Variants in SEMA4D observed in about 807,000 individuals in gnomAD.
The protein encoded by SEMA4D is semaphorin 4D.
A neutral mutation model predicts 74.8 loss-of-function variants in SEMA4D; 22 were observed. That is an observed-to-expected ratio of 0.29 (90% CI 0.21 to 0.42). SEMA4D has a LOEUF of 0.42. Among genes scored for constraint, SEMA4D ranks in the 10% least tolerant of loss-of-function variants. The pLI is 1.00. For synonymous variants in SEMA4D, 445 were observed against 463.7 expected, an observed-to-expected ratio of 0.96 and a Z score of 0.52; for missense variants, 937 against 1,118.4, an observed-to-expected ratio of 0.84 and a Z score of 2.31.
intron 7 of SEMA4D, 151 bp from the exon 8 acceptor site, chr9:89,392,687 G>T: frequency 1.6e-6 from 1 of 618,454 alleles, no homozygotes. Flanking sequence ...TCAACTTTTG[G>T]GGTGTCCTGT....
At chr9:89,439,171 A>T (rs1159369454) in intron 2 of SEMA4D, among the ~76,000 whole-genome samples, 2 of 151,060 alleles carry the variant, frequency 1.3e-5, no homozygotes, top group African/African-American at 4.9e-5. Flanking sequence ...TATTAGAGAC[A>T]TGTTTCCACC....
At chr9:89,400,795 A>C (rs1043910614) in intron 4 of SEMA4D, among the ~76,000 whole-genome samples, 1 of 151,002 alleles carries the variant, frequency 6.6e-6, no homozygotes, top group Admixed American at 6.6e-5. Flanking sequence ...TTTTTCTTTT[A>C]AGTATAAGAG....
chr9:89,385,657 G>T, intron 13 of SEMA4D: 1 of 745,820 alleles, frequency 1.3e-6, no homozygotes, highest in Non-Finnish European at 1.6e-6. Context: ...ACAGGGGAGG[G>T]AAGAGGACAG....
At chr9:89,445,981 C>T (rs557539468) in intron 2 of SEMA4D, among the ~76,000 whole-genome samples, 4 of 152,098 alleles carry the variant, frequency 2.6e-5, no homozygotes, top group Admixed American at 6.5e-5. Flanking sequence ...ATGTCCCGGA[C>T]CCCCTCCCTT....
intron 6 of SEMA4D, among the ~76,000 whole-genome samples, chr9:89,394,995 G>A (rs1014158557): frequency 6.6e-6 from 1 of 152,212 alleles, no homozygotes; most frequent in African/African-American, 2.4e-5. Flanking sequence ...TATGTACACA[G>A]ACACACATGT....
In SEMA4D at chr9:89,399,308, C is replaced by CT; in HGVS notation, c.282dup (p.Ala95SerfsTer42). On this transcript the variant is annotated frameshift_variant, in exon 5 of 16. Transcript: ENST00000422704. LOFTEE classifies it high-confidence loss of function. The stretch of plus-strand genomic sequence containing the variant: ...GATTTCCCCTTTTCTGCACATTTTG[C>CT]TTTTTTGTCTTCTGAGACCTTCCAA... 6.2e-7 allele frequency: 1 copy of CT among 1,613,766 alleles called. No individual in the cohort carries two copies. Among genetic ancestry groups the CT allele is most frequent in the Non-Finnish European group, 8.5e-7 (1 of 1,179,656 alleles).
chr9:89,438,964 CTTTTTTTTTTTTTTTTTT>C (rs57394947), intron 2 of SEMA4D, among the ~76,000 whole-genome samples: 549 of 38,226 alleles, frequency 0.014, 7 homozygotes, highest in African/African-American at 0.058. Context: ...CGCACCGGGC[CTTTTTTTTTTTTTTTTTT>C]TTTTTTTTTT....
intron 6 of SEMA4D, among the ~76,000 whole-genome samples, chr9:89,396,244 G>A (rs984288473): frequency 5.3e-5 from 8 of 152,184 alleles, no homozygotes; most frequent in Non-Finnish European, 1.2e-4. Flanking sequence ...CACAGCCAGA[G>A]CACAGATGCA....
In SEMA4D at chr9:89,411,759, G is replaced by A. The variant is rs113060081; in HGVS notation, c.-243-6060C>T. On this transcript the variant is annotated intron_variant, in intron 2 of 15. Coordinates refer to ENST00000422704, the MANE Select transcript of SEMA4D (RefSeq NM_001371194.2). Reference sequence around the variant, plus strand: ...CCCCTGAAGGGAGGCTCCCAAGGACGGGAAGAGTGAGCTGACTCTGTGCAG... The same window carrying A: ...CCCCTGAAGGGAGGCTCCCAAGGACAGGAAGAGTGAGCTGACTCTGTGCAG... Among the ~76,000 whole-genome samples the A allele has an allele frequency of 2.4e-3, 365 of 152,334 alleles. 4 individuals carry two copies. The highest frequency in any genetic ancestry group is 3.0e-3 in the Non-Finnish European group (201 of 68,022).
intron 2 of SEMA4D, among the ~76,000 whole-genome samples, chr9:89,425,058 T>TA (rs1235479520): frequency 6.6e-6 from 1 of 152,190 alleles, no homozygotes. Context: ...ACCACCTATC[T>TA]AGACCCAGCC....
At chr9:89,456,372 A>G (rs1270202006) in intron 1 of SEMA4D, among the ~76,000 whole-genome samples, 1 of 152,252 alleles carries the variant, frequency 6.6e-6, no homozygotes, top group Non-Finnish European at 1.5e-5. Context: ...ATGAAGGTGT[A>G]GTCAAGAAGG....
chr9:89,367,190 T>C (rs1833805895), intron 16 of SEMA4D: 1 of 152,536 alleles, frequency 6.6e-6, no homozygotes, highest in African/African-American at 2.4e-5. Flanking sequence ...AAAGTGAGAG[T>C]TACCATCAGT....
intron 5 of SEMA4D, among the ~76,000 whole-genome samples, chr9:89,398,810 A>C (rs890339790): frequency 3.9e-5 from 6 of 152,200 alleles, no homozygotes; most frequent in African/African-American, 1.4e-4. Flanking sequence ...CTCCTGCAAG[A>C]GGTTGAGCAC....
intron 1 of SEMA4D, chr9:89,497,446 G>T (rs1261711016): frequency 6.6e-6 from 1 of 152,168 alleles, no homozygotes; most frequent in Non-Finnish European, 1.5e-5. Flanking sequence ...GAAGCCCGCG[G>T]GGGCCCGGCC....
At chr9:89,461,840 T>C (rs990446181) in intron 1 of SEMA4D, among the ~76,000 whole-genome samples, 4 of 151,662 alleles carry the variant, frequency 2.6e-5, no homozygotes, top group Non-Finnish European at 1.5e-5. Flanking sequence ...GTAGCTGGGA[T>C]TACAGGCGTG....
chr9:89,370,131 G>A (rs1588094857), intron 16 of SEMA4D, among the ~76,000 whole-genome samples: 1 of 150,160 alleles, frequency 6.7e-6, no homozygotes, highest in Non-Finnish European at 1.5e-5. Context: ...GGTGTGTGTT[G>A]GTATGTGTGC....
intron 2 of SEMA4D, among the ~76,000 whole-genome samples, chr9:89,409,126 A>G (rs1467748936): frequency 6.6e-6 from 1 of 152,234 alleles, no homozygotes; most frequent in Non-Finnish European, 1.5e-5. Flanking sequence ...GGCCATGAAA[A>G]GACACAGAGG....
At chr9:89,480,038 C>T (rs1299915715) in intron 1 of SEMA4D, 1 of 152,168 alleles carries the variant, frequency 6.6e-6, no homozygotes, top group Non-Finnish European at 1.5e-5. Flanking sequence ...TCCACGTCCC[C>T]ATCAGATTAG....
intron 1 of SEMA4D, among the ~76,000 whole-genome samples, chr9:89,473,262 G>A (rs747310136): frequency 2.2e-4 from 33 of 152,074 alleles, no homozygotes; most frequent in Non-Finnish European, 4.0e-4. Context: ...TGCTCCATTC[G>A]GAGCTGACCC....
Sources: allele counts gnomAD v4.1 joint callset (sites outside exome capture counted in the v4.1 genomes callset), GRCh38; gene constraint gnomAD v4.1.1; transcripts MANE v1.5; gene names NCBI Gene and HGNC (gene_info 2026-07-23, HGNC 2026-07-21).